Variants in CLDN14 observed in about 807,000 individuals in gnomAD.
CLDN14 encodes the protein claudin-14.
CLDN14 carries 2 observed loss-of-function variants against 2.1 expected under a neutral mutation model. The ratio of observed to expected loss-of-function variants is 0.96; its 90% CI spans 0.39 to 3.01. The LOEUF (loss-of-function observed/expected upper bound fraction) is 3.01, where lower values mean the gene tolerates loss of function less well. CLDN14 is among the 30% of genes most tolerant of loss of function. The pLI, the probability that CLDN14 is intolerant of heterozygous loss-of-function variation, is 0.09. For synonymous variants in CLDN14, 136 were observed against 154.4 expected (o/e 0.88, Z 0.88); for missense variants, 298 against 328.0 (o/e 0.91, Z 0.71).
At chr21:36,482,347 T>TGGATAGACTGAC (rs2086852697), upstream of CLDN14, among the ~76,000 whole-genome samples, 1 of 149,678 alleles carries the variant, frequency 6.7e-6, no homozygotes, top group South Asian at 2.1e-4. Context: ...GATGGATGGA[T>TGGATAGACTGAC]GGATGGATGG....
chr21:36,503,748 C>A (rs1419060929), intron 2 of CLDN14, among the ~76,000 whole-genome samples: 1 of 152,034 alleles, frequency 6.6e-6, no homozygotes, highest in East Asian at 1.9e-4. Context: ...AATATCAATG[C>A]ATTAATGTAT....
At chr21:36,532,941 T>C (rs2087392512) in intron 1 of CLDN14, among the ~76,000 whole-genome samples, 1 of 152,174 alleles carries the variant, frequency 6.6e-6, no homozygotes, top group African/African-American at 2.4e-5. Context: ...ACATCCTGTA[T>C]CATGGGCTAT....
At chr21:36,475,187 A>G (rs2086761574) in intron 1 of CLDN14, among the ~76,000 whole-genome samples, 1 of 152,210 alleles carries the variant, frequency 6.6e-6, no homozygotes, top group Admixed American at 6.5e-5. Flanking sequence ...CCAAGTGGAC[A>G]AAGGGCTGGA....
chr21:36,511,505 G>A (rs1329815243), intron 1 of CLDN14, among the ~76,000 whole-genome samples: 1 of 152,110 alleles, frequency 6.6e-6, no homozygotes, highest in Non-Finnish European at 1.5e-5. Flanking sequence ...TTCCTCTTGT[G>A]TGCAATCAGC....
rs1255527355 is a variant in CLDN14 at position 36,518,094 on chromosome 21, AC to A, written c.-219-7595del. ...CATACGTACACACACACACACACACACACACACACACACACGACCTGTTGGT... is the reference window on the plus strand; with the variant it reads ...CATACGTACACACACACACACACACAACACACACACACACGACCTGTTGGT... On this transcript the variant is annotated intron_variant, in intron 1 of 2. Coordinates refer to the CLDN14 transcript ENST00000342108. Among the ~76,000 whole-genome samples, 11 of 151,826 alleles carry A rather than the reference AC, an allele frequency of 7.2e-5. No individual in the cohort carries two copies. In the East Asian group the frequency reaches 2.1e-3, roughly 29 times the overall value.
intron 2 of CLDN14, chr21:36,487,699 G>C (rs1194504711): frequency 6.6e-6 from 1 of 152,180 alleles, no homozygotes; most frequent in Non-Finnish European, 1.5e-5. Context: ...GTATGAAATG[G>C]GAAGTTTCTG....
intron 2 of CLDN14, chr21:36,486,382 C>T (rs1052095771): frequency 2.0e-6 from 2 of 983,006 alleles, no homozygotes; most frequent in Admixed American, 1.8e-5. Flanking sequence ...GCAGCAGAGG[C>T]TGCAGCTGCT....
chr21:36,508,997 G>A (rs2087158992), intron 2 of CLDN14, among the ~76,000 whole-genome samples: 1 of 152,292 alleles, frequency 6.6e-6, no homozygotes, highest in South Asian at 2.1e-4. Context: ...CTCCCCGCTG[G>A]CCCTTTCTTC....
chr21:36,462,629 G>T (rs1044023398), intron 1 of CLDN14, among the ~76,000 whole-genome samples: 1 of 152,162 alleles, frequency 6.6e-6, no homozygotes, highest in Non-Finnish European at 1.5e-5. Flanking sequence ...ATAGGGCCAG[G>T]CATATAGAAG....
At chr21:36,497,071 A>G (rs1325524417) in intron 2 of CLDN14, among the ~76,000 whole-genome samples, 1 of 5,312 alleles carries the variant, frequency 1.9e-4, no homozygotes, top group Non-Finnish European at 3.8e-4. Flanking sequence ...GGGAGGGAGG[A>G]AGGGAGGGAG....
At chr21:36,523,015 C>T (rs529149480) in intron 1 of CLDN14, among the ~76,000 whole-genome samples, 1 of 152,134 alleles carries the variant, frequency 6.6e-6, no homozygotes, top group East Asian at 1.9e-4. Context: ...AGGCTGAACC[C>T]AAGACCAACC....
At chr21:36,478,522 A>T (rs1377093237) in intron 1 of CLDN14, among the ~76,000 whole-genome samples, 1 of 152,262 alleles carries the variant, frequency 6.6e-6, no homozygotes, top group Non-Finnish European at 1.5e-5. Flanking sequence ...AAGTTTTATC[A>T]TCCTAACAGA....
At chr21:36,509,286 G>C (rs1601616984) in intron 2 of CLDN14, among the ~76,000 whole-genome samples, 1 of 152,192 alleles carries the variant, frequency 6.6e-6, no homozygotes, top group African/African-American at 2.4e-5. Context: ...GAAACCACAG[G>C]CTGGAGAACG....
intron 1 of CLDN14, among the ~76,000 whole-genome samples, chr21:36,470,551 T>C (rs1189644806): frequency 6.6e-6 from 1 of 152,194 alleles, no homozygotes; most frequent in African/African-American, 2.4e-5. Context: ...AGTTTCAAGC[T>C]TCCAGCCTTC....
intron 1 of CLDN14, among the ~76,000 whole-genome samples, chr21:36,553,820 C>T (rs895858832): frequency 3.3e-5 from 5 of 152,122 alleles, no homozygotes; most frequent in Non-Finnish European, 5.9e-5. Flanking sequence ...GAGGCATGGC[C>T]GGCCCACATC....
At chr21:36,509,229 T>C (rs2087162552) in intron 2 of CLDN14, among the ~76,000 whole-genome samples, 1 of 152,218 alleles carries the variant, frequency 6.6e-6, no homozygotes. Context: ...GCCCACCTGC[T>C]GTGAAGGCAC....
At chr21:36,500,258 G>A (rs1052294197) in intron 2 of CLDN14, among the ~76,000 whole-genome samples, 10 of 152,064 alleles carry the variant, frequency 6.6e-5, no homozygotes, top group Admixed American at 2.6e-4. Flanking sequence ...CCTCTCAGCC[G>A]GGAGCTCGCC....
chr21:36,557,778 A>G (rs2087609146), intron 1 of CLDN14, among the ~76,000 whole-genome samples: 1 of 152,146 alleles, frequency 6.6e-6, no homozygotes, highest in Non-Finnish European at 1.5e-5. Flanking sequence ...TATGCAGAAG[A>G]TTTTTTAGTT....
rs1301011746 is a variant in CLDN14 at position 36,461,472 on chromosome 21, T to G, written c.224A>C (p.Gln75Pro). ...QIYRSLLALPQDLQAARALMV... is the reference protein window; with the variant it reads ...QIYRSLLALPPDLQAARALMV... ...GAGGGCGCGGGCAGCCTGGAGGTCT[T>G]GGGGCAGCGCCAGCAGGGATCGGTA... The change falls in exon 2 of 2, where the codon CAA (glutamine) becomes CCA (proline). Residue 75 changes from glutamine to proline, a missense_variant. Gln to Pro is a moderately conservative substitution (Grantham distance 76, BLOSUM62 -1). Coordinates refer to ENST00000399135, the MANE Select transcript of CLDN14 (RefSeq NM_001146079.2). 1.9e-6 allele frequency: 3 copies of G among 1,613,236 alleles called. No individual in the cohort carries two copies. Among genetic ancestry groups the G allele is most frequent in the Admixed American group, 1.7e-5 (1 of 60,010 alleles).
Sources: gnomAD v4.1 joint callset for allele counts (sites outside exome capture counted in the v4.1 genomes callset) on GRCh38, gnomAD v4.1.1 for gene constraint, MANE v1.5 for transcripts, NCBI Gene and HGNC (gene_info 2026-07-23, HGNC 2026-07-21) for gene names.